The following UBXN4 variants were observed in gnomAD, a reference collection of about 807,000 sequenced individuals.
UBXN4 encodes UBX domain protein 4, also known as UBX domain-containing protein 4.
UBXN4 carries 35 observed loss-of-function variants against 66.2 expected under a neutral mutation model. The ratio of observed to expected loss-of-function variants is 0.53; its 90% CI spans 0.40 to 0.70. The LOEUF (loss-of-function observed/expected upper bound fraction) is 0.70. Ranked by LOEUF, UBXN4 falls within the 30% of genes least tolerant of loss-of-function variation. The pLI, the probability that UBXN4 is intolerant of heterozygous loss-of-function variation, is 0.00. For synonymous variants in UBXN4, 203 were observed against 204.5 expected (o/e 0.99, Z 0.06); for missense variants, 533 against 599.8 (o/e 0.89, Z 1.16).
intron 6 of UBXN4, among the ~76,000 whole-genome samples, chr2:135,765,283 C>T (rs1283571712): frequency 1.3e-5 from 2 of 151,620 alleles, no homozygotes; most frequent in East Asian, 3.9e-4. Context: ...AATCTCGGCT[C>T]ACTGCAACCT....
At position 135,782,907 on chromosome 2, in the gene UBXN4, G is replaced by T. The variant is rs761225773; in HGVS notation, c.*20G>T. ...ATGTAGTGTGACAAGTATAATATGT[G>T]CAATAATCATTGTTTCTCTTATGAT... On this transcript the variant is annotated 3_prime_UTR_variant, in exon 13 of 13. Coordinates refer to ENST00000272638, the MANE Select transcript of UBXN4 (RefSeq NM_014607.4). The T allele has an allele frequency of 7.6e-6, 12 of 1,588,396 alleles. No individual in the cohort carries two copies. The highest frequency in any genetic ancestry group is 8.6e-6 in the Non-Finnish European group (10 of 1,167,938).
intron 5 of UBXN4, 24 bp from the exon 6 acceptor site, chr2:135,761,794 A>G (rs1338472775): frequency 2.6e-6 from 4 of 1,560,866 alleles, no homozygotes; most frequent in South Asian, 1.2e-5. Flanking sequence ...CAGTATTCTT[A>G]TTTCTTTTTA....
At chr2:135,746,727 G>T (rs1173183745) in intron 1 of UBXN4, among the ~76,000 whole-genome samples, 1 of 152,058 alleles carries the variant, frequency 6.6e-6, no homozygotes, top group Non-Finnish European at 1.5e-5. Flanking sequence ...AGGAATAGAA[G>T]GAAAAAGAAT....
chr2:135,750,406 T>C (rs1575314184), intron 2 of UBXN4, among the ~76,000 whole-genome samples: 2 of 152,076 alleles, frequency 1.3e-5, no homozygotes, highest in East Asian at 3.8e-4. Context: ...CTCGGGAGGC[T>C]GAGGCAGGAG....
At chr2:135,761,956 T>A (rs1423597839) in intron 6 of UBXN4, 45 bp downstream of exon 6, 6 of 1,535,620 alleles carry the variant, frequency 3.9e-6, no homozygotes, top group Non-Finnish European at 5.3e-6. Flanking sequence ...AAAAAGACAG[T>A]GGTTTTCAGT....
At chr2:135,777,468 T>C (rs750604461) in intron 10 of UBXN4, among the ~76,000 whole-genome samples, 15 of 152,192 alleles carry the variant, frequency 9.9e-5, no homozygotes, top group Admixed American at 6.5e-4. Context: ...CAGTCCCAAA[T>C]AGGTGCTTTC....
intron 2 of UBXN4, among the ~76,000 whole-genome samples, chr2:135,750,627 A>G (rs1359106563): frequency 1.3e-5 from 2 of 152,180 alleles, no homozygotes; most frequent in Non-Finnish European, 2.9e-5. Context: ...CTGTCTCACA[A>G]CAGTTACTGA....
In UBXN4 at chr2:135,778,983, A is replaced by G. The variant is rs1191087534; in HGVS notation, c.1089A>G (p.Ala363=). The stretch of plus-strand genomic sequence containing the variant: ...ACACTTACGGTAATTTTTCGTTAGC[A>G]ACCATGTTTCCCAGGAGGGAATTTA... ...VGNTYGNFSL[A]TMFPRREFTK... is the part of the protein sequence containing the mutation. The change falls in exon 11 of 13, where the codon GCA becomes GCG. Residue 363 remains alanine, a synonymous_variant. Coordinates refer to ENST00000272638, the MANE Select transcript of UBXN4 (RefSeq NM_014607.4). 1 of 1,613,182 alleles carries G rather than the reference A, an allele frequency of 6.2e-7. No homozygotes were observed. The highest frequency in any genetic ancestry group is 8.5e-7 in the Non-Finnish European group (1 of 1,179,708).
intron 1 of UBXN4, chr2:135,747,882 A>G (rs956766186): frequency 2.9e-6 from 1 of 343,858 alleles, no homozygotes; most frequent in Non-Finnish European, 5.7e-6. Flanking sequence ...CAGCCTCCCA[A>G]AGTGCTGAGA....
rs34311143 is a variant in UBXN4, at chr2:135,746,882, C to CTT, written c.83-1375_83-1374dup. Among the ~76,000 whole-genome samples, 104 of 147,056 alleles carry CTT rather than the reference C, an allele frequency of 7.1e-4. 1 individual carries two copies. The highest frequency in any genetic ancestry group is 7.7e-4 in the Non-Finnish European group (51 of 66,438). ...GATCTAAGCAGAGGGTTGATGTGATCTTTTTTTTTTTAGAGAAAGTTGCTG... is the reference window on the plus strand; with the variant it reads ...GATCTAAGCAGAGGGTTGATGTGATCTTTTTTTTTTTTTAGAGAAAGTTGCTG... On this transcript the variant is annotated intron_variant, in intron 1 of 12. Coordinates refer to ENST00000272638, the MANE Select transcript of UBXN4 (RefSeq NM_014607.4).
At chr2:135,776,173 A>G in intron 9 of UBXN4, 76 bp from the exon 10 acceptor site, 22 of 1,262,100 alleles carry the variant, frequency 1.7e-5, no homozygotes, top group Non-Finnish European at 2.2e-5. Context: ...TTCCACTTCC[A>G]TTTTCTCTAA....
At chr2:135,766,738 T>A (rs1464837292) in intron 6 of UBXN4, among the ~76,000 whole-genome samples, 1 of 152,212 alleles carries the variant, frequency 6.6e-6, no homozygotes, top group Non-Finnish European at 1.5e-5. Flanking sequence ...AGTTTAATTA[T>A]TTGGTTAGGA....
intron 6 of UBXN4, among the ~76,000 whole-genome samples, chr2:135,768,497 G>A (rs1057181461): frequency 1.5e-4 from 22 of 149,592 alleles, no homozygotes; most frequent in African/African-American, 5.4e-4. Context: ...GTGCCTGGCC[G>A]ATTTTATTAG....
chr2:135,756,482 C>T (rs1459087749), intron 5 of UBXN4, among the ~76,000 whole-genome samples: 1 of 152,140 alleles, frequency 6.6e-6, no homozygotes, highest in African/African-American at 2.4e-5. Flanking sequence ...AACATTAATG[C>T]TGCCTTGTGG....
At chr2:135,761,741 TATAATC>T in intron 5 of UBXN4, 71 bp from the exon 6 acceptor site, 1 of 1,231,664 alleles carries the variant, frequency 8.1e-7, no homozygotes, top group South Asian at 1.5e-5. Context: ...TAACAGATGC[TATAATC>T]TGAAAGATTT....
Position 135,742,004 on chromosome 2 carries a change from C to A in UBXN4, c.75C>A (p.Phe25Leu). ...AKRSGAVFVVFVAGDDEQSTQ... is the reference protein window; with the variant it reads ...AKRSGAVFVVLVAGDDEQSTQ... Reference sequence around the variant, plus strand: ...GGAGCGGCGCGGTCTTCGTGGTGTTCGTGGCAGGTGAAGGAGGCAGGGGTT... The same window carrying A: ...GGAGCGGCGCGGTCTTCGTGGTGTTAGTGGCAGGTGAAGGAGGCAGGGGTT... The change falls in exon 1 of 13, where the codon TTC (phenylalanine) becomes TTA (leucine). Residue 25 changes from phenylalanine (F) to leucine (L), a missense_variant. By Grantham distance (22) the Phe-to-Leu change is conservative. This residue lies in a region of UBXN4 where 529 missense variants were observed against 580.1 expected (regional missense o/e 0.91). Coordinates refer to ENST00000272638, the MANE Select transcript of UBXN4 (RefSeq NM_014607.4). The A allele has an allele frequency of 6.2e-7, 1 of 1,613,114 alleles. No homozygotes were observed. The highest frequency in any genetic ancestry group is 8.5e-7 in the Non-Finnish European group (1 of 1,179,604).
intron 1 of UBXN4, 151 bp from the exon 2 acceptor site, chr2:135,748,116 T>C (rs900038380): frequency 1.0e-5 from 5 of 497,518 alleles, no homozygotes; most frequent in African/African-American, 1.0e-4. Flanking sequence ...GCAGTCACAC[T>C]TTTCATTTAG....
chr2:135,755,139 G>T (rs2077271892), intron 4 of UBXN4, among the ~76,000 whole-genome samples: 1 of 152,192 alleles, frequency 6.6e-6, no homozygotes, highest in Non-Finnish European at 1.5e-5. Context: ...TGTTGAAAGA[G>T]AAAGTTGCTG....
intron 8 of UBXN4, among the ~76,000 whole-genome samples, chr2:135,771,930 T>C (rs1434086627): frequency 2.0e-5 from 3 of 152,204 alleles, no homozygotes; most frequent in African/African-American, 7.2e-5. Flanking sequence ...AGCAAATTCA[T>C]TTCCTTGTTT....
Sources: allele counts gnomAD v4.1 joint callset (sites outside exome capture counted in the v4.1 genomes callset), GRCh38; gene constraint gnomAD v4.1.1; regional missense constraint gnomAD v4.1.1; transcripts MANE v1.5; gene names NCBI Gene and HGNC (gene_info 2026-07-23, HGNC 2026-07-21).